The following CABP7 variants were observed in gnomAD, a reference collection of about 807,000 sequenced individuals.
CABP7 encodes the protein calcium binding protein 7.
CABP7 carries 13 observed loss-of-function variants against 23.1 expected under a neutral mutation model. That is an observed-to-expected ratio of 0.56 (90% CI 0.37 to 0.90). The LOEUF is 0.90. Among genes scored for constraint, CABP7 ranks in the 40% least tolerant of loss-of-function variants. The pLI is 0.01. For synonymous variants in CABP7, 123 were observed against 115.3 expected, an observed-to-expected ratio of 1.07 and a Z score of -0.43; for missense variants, 248 against 295.6, an observed-to-expected ratio of 0.84 and a Z score of 1.18.
At position 29,728,626 on chromosome 22, in the gene CABP7, C is replaced by A. The variant is rs775268057; in HGVS notation, c.254-4C>A. On this transcript the variant is annotated splice_polypyrimidine_tract_variant and splice_region_variant and intron_variant, in intron 2 of 4. Transcript: ENST00000216144. ...CTGATTGATTGGACCTGTGCCTCCA[C>A]CAGGTGATGGTCAAGTGGACTTTGA... 12 of 1,592,904 alleles carry A rather than the reference C, an allele frequency of 7.5e-6. No individual in the cohort carries two copies. Among genetic ancestry groups the A allele is most frequent in the Non-Finnish European group, 9.5e-6 (11 of 1,161,148 alleles).
intron 1 of CABP7, among the ~76,000 whole-genome samples, chr22:29,721,400 C>T (rs1290942870): frequency 1.3e-5 from 2 of 152,098 alleles, no homozygotes; most frequent in Non-Finnish European, 2.9e-5. Context: ...GAGGTTTCCC[C>T]TCCCCCCAGA....
chr22:29,729,406 T>TTCTG, intron 4 of CABP7, 36 bp from the exon 5 acceptor site: 1 of 1,604,844 alleles, frequency 6.2e-7, no homozygotes, highest in Non-Finnish European at 8.5e-7. Flanking sequence ...TGATGTCCCC[T>TTCTG]TCTGTCTCCC....
At chr22:29,723,142 T>G in intron 1 of CABP7, among the ~76,000 whole-genome samples, 1 of 151,578 alleles carries the variant, frequency 6.6e-6, no homozygotes, top group African/African-American at 2.4e-5. Flanking sequence ...CCTGCGGGGG[T>G]AAGAGGCTGG....
intron 1 of CABP7, among the ~76,000 whole-genome samples, chr22:29,723,291 G>A (rs1330076356): frequency 6.6e-6 from 1 of 152,128 alleles, no homozygotes; most frequent in Non-Finnish European, 1.5e-5. Flanking sequence ...AGGCATGGAG[G>A]GCAGTTGGCA....
At chr22:29,725,188 C>T (rs1034247489) in intron 1 of CABP7, among the ~76,000 whole-genome samples, 1 of 152,054 alleles carries the variant, frequency 6.6e-6, no homozygotes, top group Non-Finnish European at 1.5e-5. Context: ...CCCTCTTCCA[C>T]GGGTGGCCCG....
chr22:29,729,353 A>G (rs1483405925), intron 4 of CABP7, 89 bp from the exon 5 acceptor site: 6 of 1,579,756 alleles, frequency 3.8e-6, no homozygotes, highest in Non-Finnish European at 5.2e-6. Flanking sequence ...CCATGGGATG[A>G]GCCCATGTGC....
Position 29,729,852 on chromosome 22 carries a change from C to T in CABP7, c.*283C>T, listed in dbSNP as rs1336370878. The T allele has an allele frequency of 2.2e-6, 1 of 456,264 alleles. No homozygotes were observed. Among genetic ancestry groups the T allele is most frequent in the Non-Finnish European group, 3.9e-6 (1 of 253,716 alleles). 28.3% of individuals were successfully genotyped at this position (456,264 alleles called of 1,614,324 possible). Reference sequence around the variant, plus strand: ...CACTCTTCCTACCATCCAGGGGCTCCTGGGAAATTAAGGAGGGATTTGCAC... The same window carrying T: ...CACTCTTCCTACCATCCAGGGGCTCTTGGGAAATTAAGGAGGGATTTGCAC... On this transcript the variant is annotated 3_prime_UTR_variant, in exon 5 of 5. Transcript: ENST00000216144.
At position 29,729,430 on chromosome 22, in the gene CABP7, G is replaced by T; in HGVS notation, c.521-12G>T. On this transcript the variant is annotated splice_polypyrimidine_tract_variant and intron_variant, in intron 4 of 4. Coordinates refer to ENST00000216144, the MANE Select transcript of CABP7 (RefSeq NM_182527.3). ...CTTCTGTCTCCCCGGTGCTCCCGGC[G>T]GGCGGCCACAGCCTGCTCCAACCAG... The T allele has an allele frequency of 1.2e-6, 2 of 1,608,228 alleles. No individual in the cohort carries two copies. The highest frequency in any genetic ancestry group is 4.5e-5 in the East Asian group (2 of 44,886).
intron 2 of CABP7, 51 bp from the exon 3 acceptor site, chr22:29,728,579 C>T (rs753150070): frequency 4.1e-6 from 5 of 1,215,724 alleles, no homozygotes; most frequent in Middle Eastern, 1.9e-4. Context: ...GGGCCCTGGG[C>T]TGCAGGCCTG....
At position 29,731,316 on chromosome 22, in the gene CABP7, A is replaced by G; in HGVS notation, c.*1747A>G. On this transcript the variant is annotated 3_prime_UTR_variant, in exon 5 of 5. Transcript: ENST00000216144. Reference sequence around the variant, plus strand: ...CAGCTCCTGAACTGGTGGCCAGCCCACGGGGTACTGGAAGACAGTGGTTCT... The same window carrying G: ...CAGCTCCTGAACTGGTGGCCAGCCCGCGGGGTACTGGAAGACAGTGGTTCT... 2 of 1,532,298 alleles carry G rather than the reference A, an allele frequency of 1.3e-6. No homozygotes were observed. The highest frequency in any genetic ancestry group is 1.7e-6 in the Non-Finnish European group (2 of 1,151,156). The allele number at this position is 1,532,298 out of a possible 1,614,324, so 94.9% of individuals were successfully genotyped here. A position where few individuals can be genotyped will look rare whatever the true frequency, so the allele number is the denominator to read the frequency against.
rs116653578 is a variant in CABP7 at position 29,730,416 on chromosome 22, G to A, written c.*847G>A. The A allele has an allele frequency of 8.3e-3, 1,265 of 152,708 alleles. 20 individuals carry two copies. Among genetic ancestry groups the A allele is most frequent in the African/African-American group, 0.029 (1,196 of 41,578 alleles). 9.5% of individuals were successfully genotyped at this position (152,708 alleles called of 1,614,324 possible). A position where few individuals can be genotyped will look rare whatever the true frequency, so the allele number is the denominator to read the frequency against. ...TGTAGTCCAGCTGAGGAAGGAGGCAGAGCTGGGGCCTGAAGGCTCTGAGCA... is the reference window on the plus strand; with the variant it reads ...TGTAGTCCAGCTGAGGAAGGAGGCAAAGCTGGGGCCTGAAGGCTCTGAGCA... On this transcript the variant is annotated 3_prime_UTR_variant, in exon 5 of 5. Coordinates refer to ENST00000216144, the MANE Select transcript of CABP7 (RefSeq NM_182527.3).
intron 3 of CABP7, 134 bp from the exon 4 acceptor site, chr22:29,728,921 C>T: frequency 2.4e-6 from 3 of 1,248,098 alleles, no homozygotes; most frequent in South Asian, 2.7e-5. Flanking sequence ...TGGTCAAGGA[C>T]TCTCTGGGGG....
chr22:29,723,492 C>T (rs1428143571), intron 1 of CABP7, among the ~76,000 whole-genome samples: 2 of 152,342 alleles, frequency 1.3e-5, no homozygotes, highest in African/African-American at 2.4e-5. Context: ...GACTCGAGCA[C>T]CCAAGGGTGG....
rs764426459 is a variant in CABP7 at position 29,731,196 on chromosome 22, C to T, written c.*1627C>T. ...TATTGTGACTGATGAGAAAAGTGAC[C>T]ACGTGGGGGTCAGTCGGGGGCAAGG... is the stretch of plus-strand genomic sequence containing the variant. On this transcript the variant is annotated 3_prime_UTR_variant, in exon 5 of 5. Transcript: ENST00000216144. 4.1e-6 allele frequency: 6 copies of T among 1,466,012 alleles called. No homozygotes were observed. The African/African-American group carries it at 5.9e-5, about 15-fold the overall frequency. The allele number at this position is 1,466,012 out of a possible 1,614,324, so 90.8% of individuals were successfully genotyped here. A position where few individuals can be genotyped will look rare whatever the true frequency, so the allele number is the denominator to read the frequency against.
At position 29,720,393 on chromosome 22, in the gene CABP7, T is replaced by G; in HGVS notation, c.-32T>G. ...GCCCATGAGCCCCGGCCTCAAAGTT[T>G]GCGGCGGGCGGGCGGGCGCGGAGCC... On this transcript the variant is annotated 5_prime_UTR_variant, in exon 1 of 5. Transcript: ENST00000216144. This position sits in a 1 kb window ranked among gnomAD's most constrained non-coding sequence, Gnocchi z 5.2. 2 of 1,419,288 alleles carry G rather than the reference T, an allele frequency of 1.4e-6. No individual in the cohort carries two copies. Among genetic ancestry groups the G allele is most frequent in the Non-Finnish European group, 1.9e-6 (2 of 1,070,012 alleles). The allele number at this position is 1,419,288 out of a possible 1,614,324, so 87.9% of individuals were successfully genotyped here.
chr22:29,725,644 C>A (rs144722150), intron 1 of CABP7, among the ~76,000 whole-genome samples: 2,139 of 152,208 alleles, frequency 0.014, 22 homozygotes, highest in Non-Finnish European at 0.021. Context: ...ACAGGGAGGG[C>A]ACCAGGGAGA....
chr22:29,723,723 C>T (rs541537831), intron 1 of CABP7, among the ~76,000 whole-genome samples: 5 of 152,348 alleles, frequency 3.3e-5, no homozygotes, highest in South Asian at 4.1e-4. Context: ...GGCCAGGAGC[C>T]GCCTCTGCAC....
rs5997507 is a variant in CABP7 at position 29,729,607 on chromosome 22, C to T, written c.*38C>T. 134,195 of 1,599,448 alleles carry T rather than the reference C, an allele frequency of 0.084. 6,343 individuals carry two copies. The highest frequency in any genetic ancestry group is 0.13 in the South Asian group (12,094 of 90,840). On this transcript the variant is annotated 3_prime_UTR_variant, in exon 5 of 5. Transcript: ENST00000216144. ...TGCCCCATCCACCGCATGCGGTGCCCGTGGCCCGCCCCACACCACCGCCGC... is the reference window on the plus strand; with the variant it reads ...TGCCCCATCCACCGCATGCGGTGCCTGTGGCCCGCCCCACACCACCGCCGC...
chr22:29,731,581 C>T lies in CABP7; in HGVS notation c.*2012C>T, dbSNP rs887877849. 37 of 502,720 alleles carry T rather than the reference C, an allele frequency of 7.4e-5. No homozygotes were observed. The highest frequency in any genetic ancestry group is 3.5e-4 in the African/African-American group (17 of 48,848). The allele number at this position is 502,720 out of a possible 1,614,324, so 31.1% of individuals were successfully genotyped here. ...GGGGTTGCAGGCAGACATTGAGCTG[C>T]GAGACAATGGGAATAACCTTCGTGT... On this transcript the variant is annotated 3_prime_UTR_variant, in exon 5 of 5. Transcript: ENST00000216144.
Sources: gnomAD v4.1 joint callset for allele counts (sites outside exome capture counted in the v4.1 genomes callset) on GRCh38, gnomAD v4.1.1 for gene constraint, Gnocchi (gnomAD v3.1) non-coding constraint, MANE v1.5 for transcripts, NCBI Gene and HGNC (gene_info 2026-07-23, HGNC 2026-07-21) for gene names.